The following FHIT variants were observed in gnomAD, a reference collection of about 807,000 sequenced individuals.
The protein encoded by FHIT is bis(5'-adenosyl)-triphosphatase.
Under a neutral mutation model 17.9 loss-of-function variants are expected in FHIT, and 19 were observed. That is an observed-to-expected ratio of 1.06 (90% CI 0.74 to 1.56). The LOEUF (loss-of-function observed/expected upper bound fraction) is 1.56. Ranked by LOEUF, FHIT falls within the 40% of genes most tolerant of loss-of-function variation. The probability of loss-of-function intolerance (pLI) is 0.00; values close to 1 mark genes in which losing one functional copy is unlikely to be tolerated. For missense variants in FHIT, 248 were observed against 189.2 expected (o/e 1.31, Z -1.82); for synonymous variants, 81 against 69.7 (o/e 1.16, Z -0.81).
chr3:61,160,083 GC>G (rs1384474703), intron 2 of FHIT, among the ~76,000 whole-genome samples: 1 of 152,064 alleles, frequency 6.6e-6, no homozygotes, highest in African/African-American at 2.4e-5. Context: ...CAATCACCAG[GC>G]TTTTCATTCC....
At chr3:60,847,500 T>G (rs1702970873) in intron 3 of FHIT, among the ~76,000 whole-genome samples, 1 of 152,110 alleles carries the variant, frequency 6.6e-6, no homozygotes, top group South Asian at 2.1e-4. Flanking sequence ...CACATCAGGC[T>G]CAAATCACAG....
chr3:59,759,388 G>C (rs1328306120), intron 8 of FHIT, among the ~76,000 whole-genome samples: 1 of 152,186 alleles, frequency 6.6e-6, no homozygotes, highest in Non-Finnish European at 1.5e-5. Flanking sequence ...AGAAAGTTTG[G>C]GAGAGGGGGC....
chr3:60,821,320 C>T (rs1351837507), intron 4 of FHIT, among the ~76,000 whole-genome samples: 2 of 152,102 alleles, frequency 1.3e-5, no homozygotes, highest in Non-Finnish European at 2.9e-5. Flanking sequence ...AAGATGCATA[C>T]AGATAAGTGA....
chr3:60,035,651 T>C (rs1460859830), intron 5 of FHIT, among the ~76,000 whole-genome samples: 3 of 152,232 alleles, frequency 2.0e-5, no homozygotes, highest in Non-Finnish European at 2.9e-5. Context: ...CAGCCACACC[T>C]CAACAGATTA....
rs115768315 is a variant in FHIT, at chr3:59,774,826, G to A, written c.349-22505C>T. Among the ~76,000 whole-genome samples, 1,065 of 152,208 alleles carry A rather than the reference G, an allele frequency of 7.0e-3. 15 individuals carry two copies. The highest frequency in any genetic ancestry group is 0.024 in the African/African-American group (993 of 41,534). ...GGAAGTAATTTTCCTAAGGCTCCACGGCCAGAAAGTGGCCAGGACTTGAAT... is the reference window on the plus strand; with the variant it reads ...GGAAGTAATTTTCCTAAGGCTCCACAGCCAGAAAGTGGCCAGGACTTGAAT... On this transcript the variant is annotated intron_variant, in intron 8 of 9. Coordinates refer to ENST00000492590, the MANE Select transcript of FHIT (RefSeq NM_002012.4).
intron 7 of FHIT, 131 bp from the exon 8 acceptor site, chr3:59,922,545 T>C (rs1705460199): frequency 1.4e-6 from 1 of 723,518 alleles, no homozygotes; most frequent in Non-Finnish European, 2.3e-6. Context: ...AGGAAGTTGA[T>C]ATCCACCTTC....
intron 4 of FHIT, among the ~76,000 whole-genome samples, chr3:60,571,158 T>A (rs1253905803): frequency 1.3e-5 from 2 of 151,208 alleles, no homozygotes; most frequent in East Asian, 2.0e-4. Context: ...TGACATCCCA[T>A]CTCCCCGTCT....
At chr3:61,015,155 C>T (rs987945500) in intron 3 of FHIT, among the ~76,000 whole-genome samples, 5 of 151,936 alleles carry the variant, frequency 3.3e-5, no homozygotes, top group African/African-American at 4.8e-5. Context: ...AGTGCTTCAT[C>T]GACAATCTGA....
intron 2 of FHIT, among the ~76,000 whole-genome samples, chr3:61,136,807 T>C (rs1560011188): frequency 6.6e-6 from 1 of 152,192 alleles, no homozygotes. Flanking sequence ...ATCATGCTGT[T>C]ATAATAATTA....
chr3:60,244,731 A>C lies in FHIT; in HGVS notation c.104-230579T>G, dbSNP rs193273538. Reference sequence around the variant, plus strand: ...TGCTTGTTTATGAGACAGAGACTACAAACATCTTGAATGGGACTTTTATTT... The same window carrying C: ...TGCTTGTTTATGAGACAGAGACTACCAACATCTTGAATGGGACTTTTATTT... On this transcript the variant is annotated intron_variant, in intron 5 of 9. Transcript: ENST00000492590. Among the ~76,000 whole-genome samples, 1,354 of 152,248 alleles carry C rather than the reference A, an allele frequency of 8.9e-3. 11 individuals are homozygous for C. Among genetic ancestry groups the C allele is most frequent in the Middle Eastern group, 0.065 (19 of 294 alleles).
intron 3 of FHIT, among the ~76,000 whole-genome samples, chr3:60,919,346 G>A (rs1707161853): frequency 1.3e-5 from 2 of 150,792 alleles, no homozygotes; most frequent in Non-Finnish European, 2.9e-5. Context: ...GTGGAAAGAA[G>A]TAAATACAAC....
intron 7 of FHIT, among the ~76,000 whole-genome samples, chr3:59,974,962 C>T (rs1356091852): frequency 6.6e-6 from 1 of 152,116 alleles, no homozygotes; most frequent in Non-Finnish European, 1.5e-5. Context: ...CAATGCCCAG[C>T]CTTCTCTAGT....
intron 4 of FHIT, among the ~76,000 whole-genome samples, chr3:60,549,228 T>C (rs762692976): frequency 6.6e-6 from 1 of 152,190 alleles, no homozygotes; most frequent in Non-Finnish European, 1.5e-5. Flanking sequence ...AATAAAATCA[T>C]GTATTTGACA....
chr3:60,540,532 G>C (rs1160642724), intron 4 of FHIT, among the ~76,000 whole-genome samples: 2 of 152,144 alleles, frequency 1.3e-5, no homozygotes, highest in East Asian at 3.9e-4. Context: ...ATGAATCAAA[G>C]GACATCCAGC....
intron 5 of FHIT, among the ~76,000 whole-genome samples, chr3:60,505,592 G>C (rs1262355740): frequency 1.2e-4 from 19 of 152,018 alleles, no homozygotes; most frequent in Non-Finnish European, 2.8e-4. Context: ...TTCCCATCTG[G>C]AGGAGATCAT....
At chr3:60,256,515 G>T (rs1390766) in intron 5 of FHIT, among the ~76,000 whole-genome samples, 44,588 of 152,072 alleles carry the variant, frequency 0.29, 7,636 homozygotes, top group East Asian at 0.85. Flanking sequence ...CAGACCCTAT[G>T]GTTACGCCAT....
chr3:60,541,502 C>A (rs1302432103), intron 4 of FHIT, among the ~76,000 whole-genome samples: 2 of 152,124 alleles, frequency 1.3e-5, no homozygotes, highest in Non-Finnish European at 2.9e-5. Context: ...GCTATTCGTA[C>A]TACCTGGTTC....
chr3:60,208,813 T>C (rs1703317564), intron 5 of FHIT, among the ~76,000 whole-genome samples: 1 of 152,176 alleles, frequency 6.6e-6, no homozygotes, highest in African/African-American at 2.4e-5. Context: ...TGTAGGTGAA[T>C]GACATCAGAG....
intron 8 of FHIT, among the ~76,000 whole-genome samples, chr3:59,871,887 G>A (rs1241891015): frequency 6.6e-6 from 1 of 152,258 alleles, no homozygotes; most frequent in Non-Finnish European, 1.5e-5. Context: ...TTTCTCTTGC[G>A]CACTGAAGAC....
Sources: gnomAD v4.1 joint callset for allele counts (sites outside exome capture counted in the v4.1 genomes callset) on GRCh38, gnomAD v4.1.1 for gene constraint, MANE v1.5 for transcripts, NCBI Gene and HGNC (gene_info 2026-07-23, HGNC 2026-07-21) for gene names.